YIPF4: variants seen among roughly 807,000 people sequenced by gnomAD.
YIPF4 encodes protein YIPF4.
Under a neutral mutation model 29.4 loss-of-function variants are expected in YIPF4, and 18 were observed. That is an observed-to-expected ratio of 0.61 (90% CI 0.42 to 0.91). The LOEUF (loss-of-function observed/expected upper bound fraction) is 0.91, where lower values mean the gene tolerates loss of function less well. Ranked by LOEUF, YIPF4 falls within the 40% of genes least tolerant of loss-of-function variation. The pLI, the probability that YIPF4 is intolerant of heterozygous loss-of-function variation, is 0.00. For synonymous variants in YIPF4, 115 were observed against 104.7 expected, an observed-to-expected ratio of 1.10 and a Z score of -0.60; for missense variants, 279 against 282.7, an observed-to-expected ratio of 0.99 and a Z score of 0.09.
chr2:32,279,698 C>T (rs986875199), intron 1 of YIPF4, among the ~76,000 whole-genome samples: 6 of 151,666 alleles, frequency 4.0e-5, no homozygotes, highest in African/African-American at 7.3e-5. Context: ...CGTGAGCCAC[C>T]GCGCCCGGCC....
intron 1 of YIPF4, among the ~76,000 whole-genome samples, chr2:32,280,709 C>G (rs764304587): frequency 6.6e-6 from 1 of 151,738 alleles, no homozygotes; most frequent in African/African-American, 2.4e-5. Flanking sequence ...GTAGATCTCA[C>G]TAGGTTGCCT....
rs1042015557 is a variant in YIPF4, at chr2:32,313,438, G to C, written c.*7812G>C. The C allele has an allele frequency of 6.6e-6, 1 of 152,094 alleles. No individual in the cohort carries two copies. Among genetic ancestry groups the C allele is most frequent in the Non-Finnish European group, 1.5e-5 (1 of 68,046 alleles). The allele number at this position is 152,094 out of a possible 1,614,324, so 9.4% of individuals were successfully genotyped here. On this transcript the variant is annotated 3_prime_UTR_variant, in exon 6 of 6. Coordinates refer to ENST00000238831, the MANE Select transcript of YIPF4 (RefSeq NM_032312.4). Reference sequence around the variant, plus strand: ...GCTGGAGTGCAGTGGTGCAATCTCGGCTCACTGCAACCTCTGCCTCCCAGG... The same window carrying C: ...GCTGGAGTGCAGTGGTGCAATCTCGCCTCACTGCAACCTCTGCCTCCCAGG...
Position 32,306,447 on chromosome 2 carries a change from C to G in YIPF4, c.*821C>G. On this transcript the variant is annotated 3_prime_UTR_variant, in exon 6 of 6. Transcript: ENST00000238831. ...CTATGTACAAAAACAGTAATATTTA[C>G]AGCATCAGTAAATATTTTTAAGTGG... is the stretch of plus-strand genomic sequence containing the variant. The G allele has an allele frequency of 1.0e-6, 1 of 983,764 alleles. No individual in the cohort carries two copies. Among genetic ancestry groups the G allele is most frequent in the Non-Finnish European group, 1.2e-6 (1 of 828,168 alleles). The allele number at this position is 983,764 out of a possible 1,614,324, so 60.9% of individuals were successfully genotyped here. A position where few individuals can be genotyped will look rare whatever the true frequency, so the allele number is the denominator to read the frequency against.
chr2:32,288,666 C>G (rs993701859), intron 1 of YIPF4, among the ~76,000 whole-genome samples: 2 of 152,122 alleles, frequency 1.3e-5, no homozygotes, highest in Non-Finnish European at 2.9e-5. Context: ...AAAAATTAGC[C>G]AGGCATGCTG....
chr2:32,293,407 G>T (rs1400472991), intron 3 of YIPF4, among the ~76,000 whole-genome samples: 2 of 152,190 alleles, frequency 1.3e-5, no homozygotes, highest in Non-Finnish European at 2.9e-5. Context: ...AGGTTTGGGG[G>T]TAAGGTCCCA....
chr2:32,293,897 C>T (rs1255879560), intron 3 of YIPF4, among the ~76,000 whole-genome samples: 4 of 139,018 alleles, frequency 2.9e-5, no homozygotes, highest in Non-Finnish European at 6.3e-5. Context: ...GGGGGCTGAC[C>T]CCCCCCACCT....
Position 32,307,085 on chromosome 2 carries a change from C to T in YIPF4, c.*1459C>T. On this transcript the variant is annotated 3_prime_UTR_variant, in exon 6 of 6. Coordinates refer to ENST00000238831, the MANE Select transcript of YIPF4 (RefSeq NM_032312.4). The stretch of plus-strand genomic sequence containing the variant: ...AGAATAATGTAGAAAATTACATGTA[C>T]TGATTTTTTTAAAAACAGGTGAGAA... The T allele has an allele frequency of 2.3e-6, 3 of 1,284,264 alleles. No individual in the cohort carries two copies. Among genetic ancestry groups the T allele is most frequent in the Non-Finnish European group, 3.1e-6 (3 of 981,194 alleles). 79.6% of individuals were successfully genotyped at this position (1,284,264 alleles called of 1,614,324 possible).
At chr2:32,278,394 C>T (rs954366607) in intron 1 of YIPF4, among the ~76,000 whole-genome samples, 160 bp downstream of exon 1, 1 of 152,152 alleles carries the variant, frequency 6.6e-6, no homozygotes, top group Non-Finnish European at 1.5e-5. Context: ...CGAGAGGCCC[C>T]GAAGGACGGA....
At chr2:32,291,234 T>C (rs566045873) in intron 2 of YIPF4, among the ~76,000 whole-genome samples, 1 of 152,344 alleles carries the variant, frequency 6.6e-6, no homozygotes, top group East Asian at 1.9e-4. Context: ...TGTTTCTTCA[T>C]GTTAATACAC....
chr2:32,287,537 G>A (rs922366101), intron 1 of YIPF4, among the ~76,000 whole-genome samples: 3 of 152,118 alleles, frequency 2.0e-5, no homozygotes, highest in Non-Finnish European at 1.5e-5. Context: ...CACAGAAATC[G>A]GGAACTTGTC....
intron 2 of YIPF4, 166 bp downstream of exon 2, chr2:32,290,802 T>G: frequency 2.6e-6 from 1 of 382,016 alleles, no homozygotes; most frequent in Non-Finnish European, 4.3e-6. Flanking sequence ...AATGAGAGAA[T>G]ATTTTTTAAC....
intron 1 of YIPF4, among the ~76,000 whole-genome samples, chr2:32,281,427 A>C (rs886722609): frequency 1.3e-5 from 2 of 151,992 alleles, no homozygotes; most frequent in African/African-American, 4.8e-5. Flanking sequence ...TTTTTTGTAG[A>C]GACAGGGTTT....
At chr2:32,300,434 T>TAAA (rs78248257) in intron 4 of YIPF4, among the ~76,000 whole-genome samples, 2 of 120,644 alleles carry the variant, frequency 1.7e-5, no homozygotes, top group Non-Finnish European at 3.5e-5. Context: ...ACTCCGTCTT[T>TAAA]AAAAAAAAAA....
In YIPF4 at chr2:32,298,134, G is replaced by C. The variant is rs368476402; in HGVS notation, c.406-100G>C. On this transcript the variant is annotated intron_variant, in intron 3 of 5. Coordinates refer to ENST00000238831, the MANE Select transcript of YIPF4 (RefSeq NM_032312.4). ...CATAATCTCTCTATGACCTGAAATTGGGCATGCTAAACTGTCATTTATGGC... is the reference window on the plus strand; with the variant it reads ...CATAATCTCTCTATGACCTGAAATTCGGCATGCTAAACTGTCATTTATGGC... 1.9e-5 allele frequency: 16 copies of C among 848,978 alleles called. No homozygotes were observed. In the East Asian group the frequency reaches 4.1e-4, roughly 22 times the overall value. The allele number at this position is 848,978 out of a possible 1,614,324, so 52.6% of individuals were successfully genotyped here.
At chr2:32,286,971 A>C (rs1256616035) in intron 1 of YIPF4, among the ~76,000 whole-genome samples, 3 of 152,196 alleles carry the variant, frequency 2.0e-5, no homozygotes, top group Non-Finnish European at 2.9e-5. Context: ...TAGGCCAGGC[A>C]CAGTGGCTCG....
At chr2:32,296,065 C>T (rs1310597277) in intron 3 of YIPF4, among the ~76,000 whole-genome samples, 1 of 152,190 alleles carries the variant, frequency 6.6e-6, no homozygotes, top group Non-Finnish European at 1.5e-5. Flanking sequence ...TAAAGTGTTG[C>T]AAAGACCACT....
At position 32,311,416 on chromosome 2, in the gene YIPF4, G is replaced by A. The variant is rs1032922140; in HGVS notation, c.*5790G>A. 1 of 152,172 alleles carries A rather than the reference G, an allele frequency of 6.6e-6. No homozygotes were observed. Among genetic ancestry groups the A allele is most frequent in the Non-Finnish European group, 1.5e-5 (1 of 68,032 alleles). The allele number at this position is 152,172 out of a possible 1,614,324, so 9.4% of individuals were successfully genotyped here. A position where few individuals can be genotyped will look rare whatever the true frequency, so the allele number is the denominator to read the frequency against. On this transcript the variant is annotated 3_prime_UTR_variant, in exon 6 of 6. Coordinates refer to ENST00000238831, the MANE Select transcript of YIPF4 (RefSeq NM_032312.4). ...TTAGAGAAAGAATATAGGGAAGATG[G>A]CAGTGGTAAAACATTTCCCTGCTTT...
intron 3 of YIPF4, among the ~76,000 whole-genome samples, chr2:32,293,641 G>A (rs556000057): frequency 6.6e-6 from 1 of 152,258 alleles, no homozygotes; most frequent in Admixed American, 6.5e-5. Context: ...CAGGCAGAGG[G>A]GCTCCTCACT....
At chr2:32,280,401 A>G (rs1210637604) in intron 1 of YIPF4, among the ~76,000 whole-genome samples, 5 of 117,958 alleles carry the variant, frequency 4.2e-5, no homozygotes, top group South Asian at 2.7e-4. Flanking sequence ...TTTTTTTGAG[A>G]CAGAGTCTTG....
Sources: allele counts gnomAD v4.1 joint callset (sites outside exome capture counted in the v4.1 genomes callset), GRCh38; gene constraint gnomAD v4.1.1; transcripts MANE v1.5; gene names NCBI Gene and HGNC (gene_info 2026-07-23, HGNC 2026-07-21).